The following PRR16 variants were observed in gnomAD, a reference collection of about 807,000 sequenced individuals.
PRR16 encodes the protein protein Largen.
A neutral mutation model predicts 18.2 loss-of-function variants in PRR16; 6 were observed. The ratio of observed to expected loss-of-function variants is 0.33; its 90% CI spans 0.18 to 0.65. PRR16 has a LOEUF of 0.65. PRR16 is among the 30% of genes least tolerant of loss of function. The pLI is 0.74. For synonymous variants in PRR16, 151 were observed against 147.8 expected (o/e 1.02, Z -0.16); for missense variants, 412 against 376.6 (o/e 1.09, Z -0.78).
the PRR16 span, among the ~76,000 whole-genome samples, chr5:120,704,536 C>G: frequency 6.6e-6 from 1 of 152,100 alleles, no homozygotes; most frequent in Non-Finnish European, 1.5e-5. Flanking sequence ...AACTAGAGCA[C>G]CAATGTACTC....
At chr5:120,789,514 A>G in the PRR16 span, among the ~76,000 whole-genome samples, 1 of 152,144 alleles carries the variant, frequency 6.6e-6, no homozygotes, top group Non-Finnish European at 1.5e-5. Flanking sequence ...TAAACTGTAT[A>G]GACTGCAATA....
At chr5:120,792,618 T>A in the PRR16 span, among the ~76,000 whole-genome samples, 1 of 152,192 alleles carries the variant, frequency 6.6e-6, no homozygotes, top group Non-Finnish European at 1.5e-5. Context: ...ACACATAACA[T>A]GCAAGTCTCT....
At chr5:120,774,240 G>A in the PRR16 span, among the ~76,000 whole-genome samples, 1 of 152,008 alleles carries the variant, frequency 6.6e-6, no homozygotes, top group Non-Finnish European at 1.5e-5. Flanking sequence ...TATGGAGAAG[G>A]GATAAGTTTC....
chr5:120,618,531 T>A lies in PRR16; in HGVS notation c.160-67423T>A, dbSNP rs370531380. On this transcript the variant is annotated intron_variant, in intron 1 of 1. Transcript: ENST00000407149. ...GAGGGAATGGTATTTGGAATTTAGC[T>A]ATATTTATCTTCTCAATCAAATTCT... 2.2e-5 allele frequency: 21 copies of A among 955,558 alleles called. No homozygotes were observed. In the African/African-American group the frequency reaches 3.7e-4, roughly 17 times the overall value. The allele number at this position is 955,558 out of a possible 1,614,324, so 59.2% of individuals were successfully genotyped here. A position where few individuals can be genotyped will look rare whatever the true frequency, so the allele number is the denominator to read the frequency against.
intron 1 of PRR16, among the ~76,000 whole-genome samples, chr5:120,576,690 C>T (rs10059446): frequency 0.21 from 31,417 of 151,918 alleles, 3,335 homozygotes; most frequent in Non-Finnish European, 0.21. Flanking sequence ...TTGAGTAGGA[C>T]AGTTTGAGAC....
At chr5:120,525,415 A>G (rs1041536241) in intron 1 of PRR16, among the ~76,000 whole-genome samples, 65 of 152,086 alleles carry the variant, frequency 4.3e-4, no homozygotes, top group African/African-American at 1.5e-3. Flanking sequence ...TCCCTTTTAA[A>G]TTTATGCTAT....
chr5:120,735,503 G>T, the PRR16 span, among the ~76,000 whole-genome samples: 2 of 152,070 alleles, frequency 1.3e-5, no homozygotes, highest in African/African-American at 2.4e-5. Flanking sequence ...TTTTTAAATA[G>T]TGGACATCCT....
intron 1 of PRR16, among the ~76,000 whole-genome samples, chr5:120,500,528 A>G (rs1750413764): frequency 6.6e-6 from 1 of 152,228 alleles, no homozygotes; most frequent in African/African-American, 2.4e-5. Flanking sequence ...CTTATTCTGT[A>G]TTTGATAATG....
At chr5:120,668,134 G>T (rs1374115784) in intron 1 of PRR16, among the ~76,000 whole-genome samples, 2 of 151,816 alleles carry the variant, frequency 1.3e-5, no homozygotes, top group Admixed American at 6.6e-5. Flanking sequence ...GAATCTGGGT[G>T]CTCCTGTATT....
chr5:120,565,129 C>T (rs1485700102), intron 1 of PRR16, among the ~76,000 whole-genome samples: 1 of 151,870 alleles, frequency 6.6e-6, no homozygotes, highest in Non-Finnish European at 1.5e-5. Context: ...GATTCTATTC[C>T]ACCGTCTTGC....
the PRR16 span, among the ~76,000 whole-genome samples, chr5:120,716,990 C>A: frequency 1.4e-3 from 219 of 152,240 alleles, 1 homozygote; most frequent in African/African-American, 5.0e-3. Flanking sequence ...AGGCAATGTG[C>A]TGGTACAGGT....
At chr5:120,618,519 T>C (rs1247650075) in intron 1 of PRR16, 4 of 961,334 alleles carry the variant, frequency 4.2e-6, no homozygotes, top group Non-Finnish European at 4.9e-6. Flanking sequence ...GGAATGGTAT[T>C]TGGAATTTAG....
the PRR16 span, among the ~76,000 whole-genome samples, chr5:120,787,764 G>A: frequency 6.6e-6 from 1 of 151,930 alleles, no homozygotes; most frequent in African/African-American, 2.4e-5. Flanking sequence ...AATATGGAGC[G>A]TAAGTACTTC....
chr5:120,570,152 G>C (rs1020272400), intron 1 of PRR16, among the ~76,000 whole-genome samples: 1 of 152,018 alleles, frequency 6.6e-6, no homozygotes, highest in Non-Finnish European at 1.5e-5. Context: ...AAATTACATA[G>C]AAGATAAATA....
the PRR16 span, among the ~76,000 whole-genome samples, chr5:120,751,663 C>A: frequency 1.3e-5 from 2 of 151,982 alleles, no homozygotes; most frequent in Non-Finnish European, 2.9e-5. Context: ...ATTTGAATTA[C>A]TTCAAATATG....
the PRR16 span, among the ~76,000 whole-genome samples, chr5:120,741,350 T>C: frequency 6.6e-6 from 1 of 151,974 alleles, no homozygotes; most frequent in African/African-American, 2.4e-5. Context: ...TGCAGGCACC[T>C]GCTACTCAAC....
At chr5:120,791,584 CATCTATCTATCTATCTATCTATCT>C in the PRR16 span, among the ~76,000 whole-genome samples, 218 of 127,480 alleles carry the variant, frequency 1.7e-3, 1 homozygote, top group East Asian at 0.041. Context: ...GAACTTCTAT[CATCTATCTATCTATCTATCTATCT>C]ATCTATCTAT....
At chr5:120,516,617 C>T (rs1410177288) in intron 1 of PRR16, among the ~76,000 whole-genome samples, 2 of 151,982 alleles carry the variant, frequency 1.3e-5, no homozygotes, top group East Asian at 1.9e-4. Flanking sequence ...AAAAGTATGG[C>T]GTGCATGGAC....
intron 1 of PRR16, among the ~76,000 whole-genome samples, chr5:120,642,134 T>C (rs1167575547): frequency 6.6e-6 from 1 of 152,092 alleles, no homozygotes; most frequent in Non-Finnish European, 1.5e-5. Flanking sequence ...CCATTTTTCA[T>C]CTGGATGATG....
Sources: allele counts gnomAD v4.1 joint callset (sites outside exome capture counted in the v4.1 genomes callset), GRCh38; gene constraint gnomAD v4.1.1; transcripts MANE v1.5; gene names NCBI Gene and HGNC (gene_info 2026-07-23, HGNC 2026-07-21).